FNDC3B: variants seen among roughly 807,000 people sequenced by gnomAD.
The protein encoded by FNDC3B is fibronectin type III domain containing 3B.
Under a neutral mutation model 151.5 loss-of-function variants are expected in FNDC3B, and 12 were observed. That is an observed-to-expected ratio of 0.08 (90% CI 0.05 to 0.13). FNDC3B has a LOEUF of 0.13. FNDC3B is among the 10% of genes least tolerant of loss of function. The pLI, the probability that FNDC3B is intolerant of heterozygous loss-of-function variation, is 1.00. For missense variants in FNDC3B, 1,214 were observed against 1,505.3 expected (o/e 0.81, Z 3.20); for synonymous variants, 528 against 549.0 (o/e 0.96, Z 0.54).
intron 4 of FNDC3B, among the ~76,000 whole-genome samples, chr3:172,243,338 C>T (rs1727595852): frequency 6.6e-6 from 1 of 152,198 alleles, no homozygotes; most frequent in Non-Finnish European, 1.5e-5. Context: ...TTTCATGCTG[C>T]TGATAAAGAC....
intron 3 of FNDC3B, among the ~76,000 whole-genome samples, chr3:172,203,348 CA>C (rs1171339579): frequency 6.6e-6 from 1 of 152,192 alleles, no homozygotes; most frequent in African/African-American, 2.4e-5. Flanking sequence ...GGTCAGATAG[CA>C]AATTCATGCC....
intron 2 of FNDC3B, among the ~76,000 whole-genome samples, chr3:172,119,931 A>T (rs77384323): frequency 6.6e-6 from 1 of 151,948 alleles, no homozygotes; most frequent in East Asian, 1.9e-4. Flanking sequence ...TTTTAACTAT[A>T]AAAAAAAGGT....
chr3:172,156,432 T>C (rs1024585674), intron 3 of FNDC3B, among the ~76,000 whole-genome samples: 5 of 152,154 alleles, frequency 3.3e-5, no homozygotes, highest in African/African-American at 1.2e-4. Flanking sequence ...CAAGAGGAAG[T>C]GTGCGCAAGA....
intron 1 of FNDC3B, among the ~76,000 whole-genome samples, chr3:172,061,623 A>T (rs1459450624): frequency 6.6e-6 from 1 of 152,196 alleles, no homozygotes; most frequent in Non-Finnish European, 1.5e-5. Flanking sequence ...TGTCATGTAC[A>T]ATCTGTGGGG....
rs1733897216 is a variant in FNDC3B at position 172,352,375 on chromosome 3, G to A, written c.2515-428G>A. ...AGGACAGCTCTAGACTTAAAAGTCA[G>A]ATGAACCGGATTCCGGTCCCAGCTT... On this transcript the variant is annotated intron_variant, in intron 21 of 25. Transcript: ENST00000415807. This position sits in a 1 kb window ranked among gnomAD's most constrained non-coding sequence, Gnocchi z 4.2. Among the ~76,000 whole-genome samples, 1 of 152,110 alleles carries A rather than the reference G, an allele frequency of 6.6e-6. No individual in the cohort carries two copies. The highest frequency in any genetic ancestry group is 2.1e-4 in the South Asian group (1 of 4,828).
intron 11 of FNDC3B, chr3:172,317,360 AT>A: frequency 1.0e-5 from 3 of 290,800 alleles, no homozygotes; most frequent in Non-Finnish European, 2.1e-5. Context: ...ATTTTTTTGT[AT>A]TTTTAATAGA....
intron 24 of FNDC3B, among the ~76,000 whole-genome samples, chr3:172,380,484 C>G (rs1029764406): frequency 4.6e-5 from 7 of 152,196 alleles, no homozygotes; most frequent in Admixed American, 6.5e-5. Flanking sequence ...CAGGTATGCT[C>G]TTTTCCTCCT....
chr3:172,154,901 G>T (rs944288690), intron 3 of FNDC3B, among the ~76,000 whole-genome samples: 5 of 152,034 alleles, frequency 3.3e-5, no homozygotes, highest in Non-Finnish European at 7.4e-5. Flanking sequence ...GGGAACAAGT[G>T]GGGTGCTGGT....
Position 172,297,721 on chromosome 3 carries a change from T to G in FNDC3B, c.1002-1007T>G, listed in dbSNP as rs573043234. 2.3e-3 allele frequency among the ~76,000 whole-genome samples: 355 copies of G among 152,038 alleles called. 2 individuals are homozygous for G. Among genetic ancestry groups the G allele is most frequent in the African/African-American group, 6.5e-3 (268 of 41,456 alleles). On this transcript the variant is annotated intron_variant, in intron 8 of 25. Transcript: ENST00000415807. ...GATCTCCTGACCTCGTGATCCGCCC[T>G]CCTTGGCCTCCCAAAGTGCTCGGAT...
intron 19 of FNDC3B, chr3:172,346,113 T>C (rs919994202): frequency 1.7e-5 from 5 of 302,468 alleles, no homozygotes; most frequent in Non-Finnish European, 2.4e-5. Context: ...ATTAAAAAAA[T>C]GACAGACATC....
intron 1 of FNDC3B, among the ~76,000 whole-genome samples, chr3:172,078,179 CA>C (rs1470438688): frequency 6.6e-6 from 1 of 151,752 alleles, no homozygotes; most frequent in Non-Finnish European, 1.5e-5. Flanking sequence ...TGGGTTTTGC[CA>C]TGTTGGCCAG....
At chr3:172,253,648 A>T (rs1329680460) in intron 6 of FNDC3B, among the ~76,000 whole-genome samples, 1 of 152,224 alleles carries the variant, frequency 6.6e-6, no homozygotes, top group South Asian at 2.1e-4. Context: ...TAATAGGTTC[A>T]TATGTGGTTT....
intron 25 of FNDC3B, among the ~76,000 whole-genome samples, chr3:172,389,740 C>G (rs1735908687): frequency 6.6e-6 from 1 of 151,824 alleles, no homozygotes; most frequent in Non-Finnish European, 1.5e-5. Flanking sequence ...GTGGCGGGCG[C>G]CTGTTGTCCC....
intron 23 of FNDC3B, among the ~76,000 whole-genome samples, chr3:172,365,461 G>T (rs572037033): frequency 6.6e-6 from 1 of 152,258 alleles, no homozygotes; most frequent in African/African-American, 2.4e-5. Context: ...GGCTCTCAAA[G>T]ATATTTTTTC....
intron 3 of FNDC3B, among the ~76,000 whole-genome samples, chr3:172,139,307 T>C (rs1000153923): frequency 1.1e-4 from 16 of 152,222 alleles, no homozygotes; most frequent in Admixed American, 6.5e-5. Flanking sequence ...TTGCTTTGTT[T>C]AGTGTGAAAT....
intron 8 of FNDC3B, among the ~76,000 whole-genome samples, chr3:172,298,238 A>G (rs1285746809): frequency 6.6e-6 from 1 of 152,220 alleles, no homozygotes; most frequent in African/African-American, 2.4e-5. Context: ...TTTTGAGGAC[A>G]TAAATGGTTT....
intron 6 of FNDC3B, among the ~76,000 whole-genome samples, chr3:172,282,089 G>A (rs186395340): frequency 6.6e-6 from 1 of 152,116 alleles, no homozygotes; most frequent in Non-Finnish European, 1.5e-5. Flanking sequence ...TAGTTAACTC[G>A]CTTATTTAGG....
At chr3:172,062,317 T>C (rs1440198300) in intron 1 of FNDC3B, among the ~76,000 whole-genome samples, 2 of 144,956 alleles carry the variant, frequency 1.4e-5, no homozygotes, top group African/African-American at 5.2e-5. Flanking sequence ...TCCTCCTTCT[T>C]TTTTTTTTTT....
intron 25 of FNDC3B, among the ~76,000 whole-genome samples, chr3:172,391,424 G>A (rs1736002282): frequency 1.3e-5 from 2 of 152,104 alleles, no homozygotes; most frequent in Non-Finnish European, 1.5e-5. Context: ...CTAGTAAGTG[G>A]CAGAGCAAGG....
Sources: gnomAD v4.1 joint callset for allele counts (sites outside exome capture counted in the v4.1 genomes callset) on GRCh38, gnomAD v4.1.1 for gene constraint, Gnocchi (gnomAD v3.1) non-coding constraint, MANE v1.5 for transcripts, NCBI Gene and HGNC (gene_info 2026-07-23, HGNC 2026-07-21) for gene names.